SSBP2: variants seen among roughly 807,000 people sequenced by gnomAD.
SSBP2 encodes single stranded DNA binding protein 2.
In SSBP2, 17 loss-of-function variants were observed where a neutral mutation model predicts 61.8. That is an observed-to-expected ratio of 0.28 (90% CI 0.19 to 0.41). The LOEUF (loss-of-function observed/expected upper bound fraction) is 0.41. SSBP2 is among the 10% of genes least tolerant of loss of function. The probability of loss-of-function intolerance (pLI) is 1.00; values close to 1 mark genes in which losing one functional copy is unlikely to be tolerated. For synonymous variants in SSBP2, 139 were observed against 141.3 expected, an observed-to-expected ratio of 0.98 and a Z score of 0.12; for missense variants, 310 against 458.7, an observed-to-expected ratio of 0.68 and a Z score of 2.96.
intron 1 of SSBP2, among the ~76,000 whole-genome samples, chr5:81,685,493 T>C (rs990632359): frequency 6.6e-6 from 1 of 151,940 alleles, no homozygotes; most frequent in East Asian, 1.9e-4. Flanking sequence ...TCTCGGTGCT[T>C]CACACTCAAT....
intron 5 of SSBP2, among the ~76,000 whole-genome samples, chr5:81,494,758 C>T (rs1464467317): frequency 2.0e-5 from 3 of 151,210 alleles, no homozygotes; most frequent in Non-Finnish European, 4.4e-5. Context: ...TGGAATAACC[C>T]AAAGTAGAAG....
intron 1 of SSBP2, 101 bp downstream of exon 1, chr5:81,750,880 T>A: frequency 1.7e-6 from 2 of 1,209,198 alleles, no homozygotes; most frequent in Non-Finnish European, 1.1e-6. Context: ...CCCCCGGCGC[T>A]CCCCGGGCGG....
intron 1 of SSBP2, among the ~76,000 whole-genome samples, chr5:81,660,711 TG>T (rs1443709495): frequency 6.6e-6 from 1 of 152,218 alleles, no homozygotes; most frequent in Non-Finnish European, 1.5e-5. Context: ...TGCACATGTA[TG>T]TTTACTGCAA....
intron 1 of SSBP2, among the ~76,000 whole-genome samples, chr5:81,725,891 T>C (rs897874498): frequency 3.9e-5 from 6 of 152,070 alleles, no homozygotes; most frequent in Non-Finnish European, 8.8e-5. Context: ...GGACACATGG[T>C]GGGTTGATAC....
intron 9 of SSBP2, among the ~76,000 whole-genome samples, chr5:81,465,268 A>T (rs1331128055): frequency 6.6e-6 from 1 of 151,990 alleles, no homozygotes; most frequent in Non-Finnish European, 1.5e-5. Flanking sequence ...AAAATACTTA[A>T]AAGTATCTAG....
At chr5:81,687,277 G>A (rs909449522) in intron 1 of SSBP2, among the ~76,000 whole-genome samples, 5 of 152,210 alleles carry the variant, frequency 3.3e-5, no homozygotes, top group Admixed American at 2.6e-4. Flanking sequence ...GAACTCAGTT[G>A]GCACTCATGG....
intron 1 of SSBP2, among the ~76,000 whole-genome samples, chr5:81,727,856 G>C (rs1327080115): frequency 6.6e-6 from 1 of 152,166 alleles, no homozygotes. Context: ...ATTTCACTTT[G>C]TGTTACAGGA....
chr5:81,442,993 T>C (rs1763129851), intron 12 of SSBP2: 1 of 230,886 alleles, frequency 4.3e-6, no homozygotes, highest in Admixed American at 5.6e-5. Flanking sequence ...AAAGTTTTTC[T>C]TTTTAAAAAA....
At chr5:81,503,980 C>A (rs753368079) in intron 5 of SSBP2, among the ~76,000 whole-genome samples, 6 of 151,894 alleles carry the variant, frequency 4.0e-5, no homozygotes, top group Non-Finnish European at 8.8e-5. Flanking sequence ...CTGGGGCCTA[C>A]TTGAGGGTGG....
chr5:81,531,138 T>G (rs1367292485), intron 4 of SSBP2, among the ~76,000 whole-genome samples: 1 of 149,022 alleles, frequency 6.7e-6, no homozygotes, highest in Non-Finnish European at 1.5e-5. Flanking sequence ...CTAGGAAGGC[T>G]GAGGTGGGTG....
chr5:81,639,599 T>C (rs1249252671), intron 2 of SSBP2, among the ~76,000 whole-genome samples: 1 of 151,472 alleles, frequency 6.6e-6, no homozygotes, highest in Non-Finnish European at 1.5e-5. Flanking sequence ...ATTACAACTT[T>C]AAATACGGAG....
chr5:81,528,214 T>A (rs552178713), intron 4 of SSBP2, among the ~76,000 whole-genome samples: 1 of 152,200 alleles, frequency 6.6e-6, no homozygotes, highest in Non-Finnish European at 1.5e-5. Flanking sequence ...TAATATATTA[T>A]GATGATATGT....
At chr5:81,429,823 G>A (rs1762176262) in intron 15 of SSBP2, among the ~76,000 whole-genome samples, 1 of 152,138 alleles carries the variant, frequency 6.6e-6, no homozygotes, top group African/African-American at 2.4e-5. Flanking sequence ...AGCAGAGATA[G>A]ATAGATGAGC....
intron 1 of SSBP2, among the ~76,000 whole-genome samples, chr5:81,678,359 T>C (rs550707570): frequency 0.04 from 4,782 of 119,302 alleles, 196 homozygotes; most frequent in African/African-American, 0.16. Context: ...CAGTCCCAAC[T>C]GAAAAGCAGA....
At chr5:81,530,951 G>A (rs983849810) in intron 4 of SSBP2, among the ~76,000 whole-genome samples, 6 of 152,246 alleles carry the variant, frequency 3.9e-5, no homozygotes, top group Middle Eastern at 3.4e-3. Flanking sequence ...GCGCATGGTG[G>A]CTCATGCCTG....
chr5:81,552,790 A>C (rs1325921680), intron 4 of SSBP2, among the ~76,000 whole-genome samples: 1 of 152,144 alleles, frequency 6.6e-6, no homozygotes, highest in Non-Finnish European at 1.5e-5. Context: ...TTAACCTGTG[A>C]CTCAAATAGT....
At chr5:81,664,420 G>C (rs899057838) in intron 1 of SSBP2, among the ~76,000 whole-genome samples, 1 of 151,974 alleles carries the variant, frequency 6.6e-6, no homozygotes, top group Admixed American at 6.6e-5. Context: ...GTGAGCCACC[G>C]CACCCTTTTT....
At chr5:81,463,758 CTTTTTTTTTTTTTT>C (rs938398439) in intron 9 of SSBP2, among the ~76,000 whole-genome samples, 1 of 96,312 alleles carries the variant, frequency 1.0e-5, no homozygotes, top group African/African-American at 4.2e-5. Flanking sequence ...GAAAAATCCT[CTTTTTTTTTTTTTT>C]TTTTTTTTTG....
intron 5 of SSBP2, among the ~76,000 whole-genome samples, chr5:81,506,862 G>A (rs1002265626): frequency 6.6e-6 from 1 of 151,792 alleles, no homozygotes; most frequent in African/African-American, 2.4e-5. Context: ...TTTTAGTTTT[G>A]AGTGTCATAT....
Sources: allele counts gnomAD v4.1 joint callset (sites outside exome capture counted in the v4.1 genomes callset), GRCh38; gene constraint gnomAD v4.1.1; transcripts MANE v1.5; gene names NCBI Gene and HGNC (gene_info 2026-07-23, HGNC 2026-07-21).